SORCS1: variants seen among roughly 807,000 people sequenced by gnomAD.
SORCS1 encodes VPS10 domain-containing receptor SorCS1.
SORCS1 carries 60 observed loss-of-function variants against 146.1 expected under a neutral mutation model. The observed-to-expected ratio is 0.41, with a 90% CI of 0.33 to 0.51. The LOEUF (loss-of-function observed/expected upper bound fraction) is 0.51. SORCS1 is among the 20% of genes least tolerant of loss of function. SORCS1 has a pLI of 0.21. For missense variants in SORCS1, 1,352 were observed against 1,487.6 expected, an observed-to-expected ratio of 0.91 and a Z score of 1.50; for synonymous variants, 637 against 584.0, an observed-to-expected ratio of 1.09 and a Z score of -1.31.
At chr10:106,922,493 C>T (rs1952762485) in intron 2 of SORCS1, among the ~76,000 whole-genome samples, 1 of 152,182 alleles carries the variant, frequency 6.6e-6, no homozygotes, top group Admixed American at 6.5e-5. Flanking sequence ...AATAACGAAA[C>T]CAGTCAAAGA....
At chr10:106,983,665 TGTAGCCAGGAATA>T (rs1435792856) in intron 1 of SORCS1, among the ~76,000 whole-genome samples, 9 of 152,178 alleles carry the variant, frequency 5.9e-5, no homozygotes, top group Admixed American at 5.2e-4. Flanking sequence ...GCCCCTATTT[TGTAGCCAGGAATA>T]GTAGCCAGGA....
chr10:106,968,398 T>G (rs2139170230), intron 1 of SORCS1, among the ~76,000 whole-genome samples: 1 of 152,298 alleles, frequency 6.6e-6, no homozygotes, highest in Middle Eastern at 3.4e-3. Flanking sequence ...ATCTAAATAT[T>G]AATATTCTTT....
At chr10:106,839,655 T>A (rs1235430533) in intron 2 of SORCS1, among the ~76,000 whole-genome samples, 1 of 152,292 alleles carries the variant, frequency 6.6e-6, no homozygotes, top group South Asian at 2.1e-4. Flanking sequence ...CAACATCCAA[T>A]CAAAAGACGA....
chr10:106,992,178 T>G (rs1379895908), intron 1 of SORCS1, among the ~76,000 whole-genome samples: 9 of 152,144 alleles, frequency 5.9e-5, no homozygotes, highest in Non-Finnish European at 1.5e-5. Flanking sequence ...TCTCAAGCAC[T>G]GTTCGTCATG....
At chr10:106,824,804 A>G (rs577144629) in intron 3 of SORCS1, among the ~76,000 whole-genome samples, 235 of 152,322 alleles carry the variant, frequency 1.5e-3, no homozygotes, top group Non-Finnish European at 2.6e-3. Flanking sequence ...GGAATGACCA[A>G]TGTATTCTGA....
intron 1 of SORCS1, among the ~76,000 whole-genome samples, chr10:107,089,867 G>A (rs1253516463): frequency 6.6e-6 from 1 of 152,114 alleles, no homozygotes; most frequent in Non-Finnish European, 1.5e-5. Context: ...GTCTCAAAAT[G>A]AACCCACCCA....
chr10:107,056,378 G>A lies in SORCS1; in HGVS notation c.559-99798C>T, dbSNP rs368973847. Reference sequence around the variant, plus strand: ...TCACTGCCCCACCTTGCAGGGTGACGCAGAAGGAGAGCTAGGAGCCATCCA... The same window carrying A: ...TCACTGCCCCACCTTGCAGGGTGACACAGAAGGAGAGCTAGGAGCCATCCA... On this transcript the variant is annotated intron_variant, in intron 1 of 25. Coordinates refer to ENST00000263054, the MANE Select transcript of SORCS1 (RefSeq NM_052918.5). 1.5e-4 allele frequency among the ~76,000 whole-genome samples: 23 copies of A among 152,326 alleles called. 1 individual carries two copies. The South Asian group carries it at 4.6e-3, about 30-fold the overall frequency.
intron 6 of SORCS1, among the ~76,000 whole-genome samples, chr10:106,724,739 G>A (rs1856028131): frequency 6.6e-6 from 1 of 152,178 alleles, no homozygotes; most frequent in South Asian, 2.1e-4. Flanking sequence ...CCATGGGGAA[G>A]AGCCAAACTG....
intron 3 of SORCS1, among the ~76,000 whole-genome samples, chr10:106,784,405 A>C (rs905280098): frequency 2.0e-5 from 3 of 152,166 alleles, no homozygotes; most frequent in Admixed American, 6.5e-5. Flanking sequence ...AAAAAAAAAA[A>C]AAAACCTAAA....
At chr10:107,135,904 G>A (rs754835655) in intron 1 of SORCS1, among the ~76,000 whole-genome samples, 11 of 152,264 alleles carry the variant, frequency 7.2e-5, no homozygotes, top group Middle Eastern at 3.4e-3. Flanking sequence ...AGACAGATTA[G>A]AGAAGCTACT....
chr10:107,086,673 C>T (rs1371884032), intron 1 of SORCS1, among the ~76,000 whole-genome samples: 4 of 152,126 alleles, frequency 2.6e-5, no homozygotes, highest in Admixed American at 2.0e-4. Flanking sequence ...TATTAAGTGA[C>T]CTACCAGCAT....
At chr10:107,171,486 A>G in the SORCS1 span, among the ~76,000 whole-genome samples, 427 of 121,328 alleles carry the variant, frequency 3.5e-3, 3 homozygotes, top group African/African-American at 0.013. Context: ...TGAGAAATTA[A>G]CTTTAGAAAA....
chr10:106,581,741 T>C (rs1844929946), intron 24 of SORCS1, among the ~76,000 whole-genome samples: 1 of 152,160 alleles, frequency 6.6e-6, no homozygotes, highest in South Asian at 2.1e-4. Flanking sequence ...TTGGAAAACT[T>C]ATAATTTAAC....
intron 6 of SORCS1, among the ~76,000 whole-genome samples, chr10:106,713,685 TA>T (rs1227616757): frequency 6.6e-6 from 1 of 152,312 alleles, no homozygotes; most frequent in African/African-American, 2.4e-5. Flanking sequence ...AGAATGAAGC[TA>T]AAAAATAGTG....
At position 106,706,643 on chromosome 10, in the gene SORCS1, T is replaced by C. The variant is rs763442224; in HGVS notation, c.1144-9A>G. ...CGCCCTCCTGATGTCAGCTGGATCA[T>C]AAAAACAAGACTGTAAGAAGCTCGA... On this transcript the variant is annotated splice_polypyrimidine_tract_variant and intron_variant, in intron 7 of 25. Transcript: ENST00000263054. 19 of 1,613,710 alleles carry C rather than the reference T, an allele frequency of 1.2e-5. No individual in the cohort carries two copies. In the South Asian group the frequency reaches 1.4e-4, roughly 12 times the overall value.
At chr10:106,911,189 G>T (rs1381478867) in intron 2 of SORCS1, among the ~76,000 whole-genome samples, 2 of 152,188 alleles carry the variant, frequency 1.3e-5, no homozygotes, top group Non-Finnish European at 2.9e-5. Context: ...AGAACTCTTT[G>T]TTGCGACTGA....
chr10:106,626,100 T>C (rs1848092783), intron 19 of SORCS1, among the ~76,000 whole-genome samples: 1 of 152,174 alleles, frequency 6.6e-6, no homozygotes, highest in African/African-American at 2.4e-5. Context: ...TCTTTTTTTT[T>C]CAAACCCTCT....
rs1222830814 is a variant in SORCS1 at position 107,164,588 on chromosome 10, C to T, written c.-62G>A. The stretch of plus-strand genomic sequence containing the variant: ...AACGAAGGTGGCGGCACGAGCTCTG[C>T]GCTGGCGGCTGTGGGGGGCCGGCGC... On this transcript the variant is annotated 5_prime_UTR_variant, in exon 1 of 26. Transcript: ENST00000263054. The surrounding 1 kb of genome is among the most constrained non-coding windows in gnomAD (Gnocchi z 6.8). 6 of 1,274,108 alleles carry T rather than the reference C, an allele frequency of 4.7e-6. No homozygotes were observed. Among genetic ancestry groups the T allele is most frequent in the African/African-American group, 1.6e-5 (1 of 63,854 alleles). 78.9% of individuals were successfully genotyped at this position (1,274,108 alleles called of 1,614,324 possible).
At chr10:106,586,257 G>A (rs75027981) in intron 24 of SORCS1, among the ~76,000 whole-genome samples, 5,167 of 152,214 alleles carry the variant, frequency 0.034, 271 homozygotes, top group African/African-American at 0.12. Context: ...GAATGAAAGG[G>A]GGCGCTATTA....
Sources: gnomAD v4.1 joint callset for allele counts (sites outside exome capture counted in the v4.1 genomes callset) on GRCh38, gnomAD v4.1.1 for gene constraint, Gnocchi (gnomAD v3.1) non-coding constraint, MANE v1.5 for transcripts, NCBI Gene and HGNC (gene_info 2026-07-23, HGNC 2026-07-21) for gene names.